The following NR6A1 variants were observed in gnomAD, a reference collection of about 807,000 sequenced individuals.
The protein encoded by NR6A1 is nuclear receptor subfamily 6 group A member 1.
A neutral mutation model predicts 59.1 loss-of-function variants in NR6A1; 7 were observed. That is an observed-to-expected ratio of 0.12 (90% CI 0.07 to 0.22). The LOEUF (loss-of-function observed/expected upper bound fraction) is 0.22. Ranked by LOEUF, NR6A1 falls within the 10% of genes least tolerant of loss-of-function variation. The probability of loss-of-function intolerance (pLI) is 1.00; values close to 1 mark genes in which losing one functional copy is unlikely to be tolerated. For missense variants in NR6A1, 468 were observed against 611.6 expected, an observed-to-expected ratio of 0.77 and a Z score of 2.48; for synonymous variants, 243 against 236.1, an observed-to-expected ratio of 1.03 and a Z score of -0.27.
intron 2 of NR6A1, among the ~76,000 whole-genome samples, chr9:124,671,605 A>G (rs930455609): frequency 6.6e-6 from 1 of 152,224 alleles, no homozygotes; most frequent in Non-Finnish European, 1.5e-5. Context: ...CTCCTGGCCT[A>G]AAAGTATTAT....
chr9:124,731,868 T>C lies in NR6A1; in HGVS notation c.142+1440A>G, dbSNP rs535946653. Among the ~76,000 whole-genome samples the C allele has an allele frequency of 5.4e-4, 82 of 152,288 alleles. No individual in the cohort carries two copies. In the South Asian group the frequency reaches 0.017, roughly 31 times the overall value. On this transcript the variant is annotated intron_variant, in intron 2 of 9. Transcript: ENST00000487099. ...AACAGTAAGTTATTAATAAAGTTTT[T>C]GAGGAGTCAAAAGTTATAAGTGGAC...
intron 2 of NR6A1, among the ~76,000 whole-genome samples, chr9:124,657,734 C>CA (rs1032840449): frequency 4.0e-5 from 6 of 151,568 alleles, no homozygotes; most frequent in African/African-American, 1.5e-4. Flanking sequence ...TCCATGCTTT[C>CA]ATAGCTTCCC....
At position 124,619,197 on chromosome 9, in the gene NR6A1, G is replaced by A. The variant is rs112442740; in HGVS notation, c.143-64627C>T. ...GAGACAGATCCATGAATCATATCAT[G>A]GAACAATCTCTAACACAAATTAAGT... On this transcript the variant is annotated intron_variant, in intron 2 of 9. Coordinates refer to ENST00000487099, the MANE Select transcript of NR6A1 (RefSeq NM_033334.4). 8.4e-3 allele frequency among the ~76,000 whole-genome samples: 1,282 copies of A among 152,100 alleles called. 17 individuals carry two copies. Among genetic ancestry groups the A allele is most frequent in the African/African-American group, 0.029 (1,222 of 41,490 alleles).
At chr9:124,554,230 ATG>A (rs1336019267) in intron 3 of NR6A1, 96 bp downstream of exon 3, 1 of 1,560,364 alleles carries the variant, frequency 6.4e-7, no homozygotes, top group East Asian at 2.2e-5. Context: ...AAGGCCTGAT[ATG>A]TAGTGCAAGC....
chr9:124,710,918 A>T (rs970619411), intron 2 of NR6A1, among the ~76,000 whole-genome samples: 4 of 152,174 alleles, frequency 2.6e-5, no homozygotes, highest in African/African-American at 9.7e-5. Context: ...ATTCAGCATC[A>T]TCATTTTCAA....
At chr9:124,770,960 T>C (rs1158254198) in intron 1 of NR6A1, 60 bp downstream of exon 1, 77 of 970,674 alleles carry the variant, frequency 7.9e-5, no homozygotes, top group Non-Finnish European at 1.0e-4. Flanking sequence ...GGGGGATCCC[T>C]GGCGGAGGCT....
intron 2 of NR6A1, among the ~76,000 whole-genome samples, chr9:124,578,496 T>C (rs1416191923): frequency 6.6e-6 from 1 of 152,206 alleles, no homozygotes; most frequent in Admixed American, 6.5e-5. Flanking sequence ...CTTTACTTTC[T>C]TTTACATTTC....
chr9:124,753,336 T>C (rs772542620), intron 1 of NR6A1, among the ~76,000 whole-genome samples: 3 of 152,224 alleles, frequency 2.0e-5, no homozygotes, highest in East Asian at 3.8e-4. Context: ...ATTTTTTTCA[T>C]TGTTACTTTC....
chr9:124,684,964 T>C (rs1327470199), intron 2 of NR6A1, among the ~76,000 whole-genome samples: 1 of 151,952 alleles, frequency 6.6e-6, no homozygotes, highest in Non-Finnish European at 1.5e-5. Context: ...TCATCTATCT[T>C]GCAGATGGCC....
At chr9:124,625,164 C>T (rs958889886) in intron 2 of NR6A1, among the ~76,000 whole-genome samples, 1 of 152,170 alleles carries the variant, frequency 6.6e-6, no homozygotes, top group South Asian at 2.1e-4. Flanking sequence ...CAAGTTGTAG[C>T]TCTACCACTC....
chr9:124,661,443 T>G lies in NR6A1; in HGVS notation c.142+71865A>C, dbSNP rs142704713. On this transcript the variant is annotated intron_variant, in intron 2 of 9. Coordinates refer to ENST00000487099, the MANE Select transcript of NR6A1 (RefSeq NM_033334.4). Reference sequence around the variant, plus strand: ...GAGGAGACCCTGCACAAGGAAGCTATAAATGGTTTTGCTCTTCTGCCCTTC... The same window carrying G: ...GAGGAGACCCTGCACAAGGAAGCTAGAAATGGTTTTGCTCTTCTGCCCTTC... 1.2e-3 allele frequency among the ~76,000 whole-genome samples: 185 copies of G among 152,328 alleles called. 2 individuals are homozygous for G. The highest frequency in any genetic ancestry group is 3.9e-3 in the African/African-American group (164 of 41,566).
intron 2 of NR6A1, among the ~76,000 whole-genome samples, chr9:124,696,552 T>C (rs1466885196): frequency 2.1e-5 from 3 of 140,794 alleles, no homozygotes; most frequent in South Asian, 4.6e-4. Flanking sequence ...AGATGGAGTC[T>C]CGCTCTGTCA....
intron 2 of NR6A1, among the ~76,000 whole-genome samples, chr9:124,572,010 T>C (rs1359878523): frequency 6.6e-6 from 1 of 151,636 alleles, no homozygotes; most frequent in East Asian, 1.9e-4. Flanking sequence ...AGAAAAAAGG[T>C]ACCCTAGGAG....
intron 3 of NR6A1, among the ~76,000 whole-genome samples, chr9:124,549,887 C>A (rs1833718610): frequency 6.6e-6 from 1 of 152,154 alleles, no homozygotes; most frequent in Admixed American, 6.5e-5. Context: ...TCACTGATAT[C>A]TTTTGTTCCA....
At chr9:124,665,195 A>G (rs1479973878) in intron 2 of NR6A1, among the ~76,000 whole-genome samples, 1 of 151,788 alleles carries the variant, frequency 6.6e-6, no homozygotes, top group African/African-American at 2.4e-5. Context: ...AAAAAAAAAA[A>G]AAGAATAAAA....
intron 2 of NR6A1, among the ~76,000 whole-genome samples, chr9:124,628,985 C>G (rs1836341133): frequency 6.6e-6 from 1 of 152,184 alleles, no homozygotes; most frequent in African/African-American, 2.4e-5. Context: ...AATGTCAACA[C>G]ATCCTCACCA....
chr9:124,585,787 G>C (rs1284270771), intron 2 of NR6A1, among the ~76,000 whole-genome samples: 1 of 152,104 alleles, frequency 6.6e-6, no homozygotes, highest in African/African-American at 2.4e-5. Context: ...TGCAGCTGGT[G>C]ACTTTAAGTT....
chr9:124,732,944 G>A (rs1485011182), intron 2 of NR6A1, among the ~76,000 whole-genome samples: 5 of 152,122 alleles, frequency 3.3e-5, no homozygotes, highest in Admixed American at 2.6e-4. Flanking sequence ...TGATCCACCC[G>A]CCTCAGCCTC....
chr9:124,742,677 C>A (rs540719576), intron 1 of NR6A1, among the ~76,000 whole-genome samples: 2 of 152,096 alleles, frequency 1.3e-5, no homozygotes, highest in South Asian at 2.1e-4. Context: ...GAGATGGAGA[C>A]CATCCTGGCT....
Sources: allele counts gnomAD v4.1 joint callset (sites outside exome capture counted in the v4.1 genomes callset), GRCh38; gene constraint gnomAD v4.1.1; transcripts MANE v1.5; gene names NCBI Gene and HGNC (gene_info 2026-07-23, HGNC 2026-07-21).